The following HLA-B variants were observed in gnomAD, a reference collection of about 807,000 sequenced individuals.
The protein encoded by HLA-B is major histocompatibility complex, class I, B, also known as HLA class I antigen HLA-B.
A neutral mutation model predicts 41.5 loss-of-function variants in HLA-B; 31 were observed. The observed-to-expected ratio is 0.75, with a 90% CI of 0.56 to 1.01. The LOEUF (loss-of-function observed/expected upper bound fraction) is 1.01, where lower values mean the gene tolerates loss of function less well. Ranked by LOEUF, HLA-B falls within the 50% of genes least tolerant of loss-of-function variation. HLA-B has a pLI of 0.00. For missense variants in HLA-B, 369 were observed against 457.2 expected (o/e 0.81, Z 1.76); for synonymous variants, 138 against 189.0 (o/e 0.73, Z 2.21).
At chr6:31,356,543 G>A in intron 2 of HLA-B, 101 bp from the exon 3 acceptor site, 1 of 1,106,390 alleles carries the variant, frequency 9.0e-7, no homozygotes, top group Non-Finnish European at 1.2e-6. Flanking sequence ...CCGGGTAAAC[G>A]CGCCTGGGGC....
In HLA-B at chr6:31,355,168, G is replaced by T; in HGVS notation, c.951C>A (p.Val317=). The T allele has an allele frequency of 1.6e-6, 2 of 1,240,422 alleles. No homozygotes were observed. The highest frequency in any genetic ancestry group is 1.9e-5 in the South Asian group (1 of 51,538). The allele number at this position is 1,240,422 out of a possible 1,614,324, so 76.8% of individuals were successfully genotyped here. The change falls in exon 5 of 8, where the codon GTC becomes GTA. Residue 317 remains valine, a synonymous_variant. Coordinates refer to ENST00000412585, the MANE Select transcript of HLA-B (RefSeq NM_005514.8). ...PIVGIVAGLA[V]LAVVVIGAVV... ...CAGCTCCGATGACCACAACTGCTAGGACAGCCAGGCCAGCAACAATGCCCA... is the reference window on the plus strand; with the variant it reads ...CAGCTCCGATGACCACAACTGCTAGTACAGCCAGGCCAGCAACAATGCCCA...
At chr6:31,354,985 G>T (rs13214791) in intron 5 of HLA-B, 122 bp downstream of exon 5, 16,201 of 345,518 alleles carry the variant, frequency 0.047, 3,288 homozygotes, top group East Asian at 0.11. Context: ...AGGGTCCCAG[G>T]CTGCGTTAGC....
At position 31,353,959 on chromosome 6, in the gene HLA-B, A is replaced by G; in HGVS notation, c.*342T>C. On this transcript the variant is annotated 3_prime_UTR_variant, in exon 8 of 8. Coordinates refer to ENST00000412585, the MANE Select transcript of HLA-B (RefSeq NM_005514.8). ...AATCCATCAACCTCTCATAGCAAATATTTGAGAAAACAAATTTATATTCAG... is the reference window on the plus strand; with the variant it reads ...AATCCATCAACCTCTCATAGCAAATGTTTGAGAAAACAAATTTATATTCAG... 2.8e-6 allele frequency: 1 copy of G among 354,070 alleles called. No individual in the cohort carries two copies. The highest frequency in any genetic ancestry group is 2.1e-5 in the African/African-American group (1 of 48,492). The allele number at this position is 354,070 out of a possible 1,614,324, so 21.9% of individuals were successfully genotyped here.
intron 7 of HLA-B, 56 bp from the exon 8 acceptor site, chr6:31,354,352 C>G (rs17192932): frequency 0.061 from 28,750 of 474,874 alleles, 1,578 homozygotes; most frequent in South Asian, 0.12. Context: ...AGCGATGACA[C>G]TCTAAACAGC....
chr6:31,356,403 C>G lies in HLA-B; in HGVS notation c.383G>C (p.Gly128Ala), dbSNP rs75328069. 4 of 975,252 alleles carry G rather than the reference C, an allele frequency of 4.1e-6. No homozygotes were observed. Among genetic ancestry groups the G allele is most frequent in the Non-Finnish European group, 5.4e-6 (4 of 746,698 alleles). 60.4% of individuals were successfully genotyped at this position (975,252 alleles called of 1,614,324 possible). ...TLQSMYGCDV[G>A]PDGRLLRGHD... is the part of the protein sequence containing the mutation. ...CCCGCGGAGGAGGCGCCCGTCCGGC[C>G]CCACGTCGCAGCCGTACATGCTCTG... Residue 128 changes from glycine to alanine, a missense_variant, in exon 3 of 8, where the codon GGG becomes GCG. This residue lies in a region of HLA-B where 113 missense variants were observed against 173.2 expected (regional missense o/e 0.65). Coordinates refer to ENST00000412585, the MANE Select transcript of HLA-B (RefSeq NM_005514.8).
chr6:31,355,172 G>A lies in HLA-B; in HGVS notation c.947C>T (p.Ala316Val). 2 of 1,238,682 alleles carry A rather than the reference G, an allele frequency of 1.6e-6. No homozygotes were observed. Among genetic ancestry groups the A allele is most frequent in the Non-Finnish European group, 2.0e-6 (2 of 979,530 alleles). The allele number at this position is 1,238,682 out of a possible 1,614,324, so 76.7% of individuals were successfully genotyped here. A position where few individuals can be genotyped will look rare whatever the true frequency, so the allele number is the denominator to read the frequency against. The change falls in exon 5 of 8, where the codon GCT (alanine) becomes GTT (valine). Residue 316 changes from alanine (A) to valine (V), a missense_variant. Ala to Val is a moderately conservative substitution (Grantham distance 64, BLOSUM62 0). Coordinates refer to ENST00000412585, the MANE Select transcript of HLA-B (RefSeq NM_005514.8). ...TCCGATGACCACAACTGCTAGGACAGCCAGGCCAGCAACAATGCCCACGAT... is the reference window on the plus strand; with the variant it reads ...TCCGATGACCACAACTGCTAGGACAACCAGGCCAGCAACAATGCCCACGAT... ...VPIVGIVAGL[A>V]VLAVVVIGAV...
At position 31,354,523 on chromosome 6, in the gene HLA-B, C is replaced by T. The variant is rs139817031; in HGVS notation, c.1049G>A (p.Ser350Asn). The change falls in exon 7 of 8, where the codon AGC becomes AAC. Residue 350 changes from serine (S) to asparagine (N), a missense_variant. By Grantham distance (46) the Ser-to-Asn change is conservative (BLOSUM62 1). Around this residue, in one of 6 missense-constraint regions of HLA-B, gnomAD observed 115 missense variants for 78.7 expected, o/e 1.46. Transcript: ENST00000412585. ...KGGSYSQAAC[S>N]DSAQGSDVSL... ...CACATCAGAGCCCTGGGCACTGTCG[C>T]TGCCTGGAGTAGAACAAAAACAGGA... 3.3e-5 allele frequency: 44 copies of T among 1,329,586 alleles called. 6 individuals are homozygous for T. The highest frequency in any genetic ancestry group is 4.3e-5 in the Non-Finnish European group (44 of 1,015,216). The allele number at this position is 1,329,586 out of a possible 1,614,324, so 82.4% of individuals were successfully genotyped here.
In HLA-B at chr6:31,354,241, A is replaced by G; in HGVS notation, c.*60T>C. ...ATGCCAGAGGCTCTTGAAGTCACAA[A>G]GGGGAGGCGTGAAGAAATCCTGCAT... On this transcript the variant is annotated 3_prime_UTR_variant, in exon 8 of 8. Transcript: ENST00000412585. 1 of 649,014 alleles carries G rather than the reference A, an allele frequency of 1.5e-6. No individual in the cohort carries two copies. The highest frequency in any genetic ancestry group is 3.2e-5 in the East Asian group (1 of 31,316). The allele number at this position is 649,014 out of a possible 1,614,324, so 40.2% of individuals were successfully genotyped here.
rs1131159 is a variant in HLA-B, at chr6:31,357,115, G to A, written c.44C>T (p.Ala15Val). Reference sequence around the variant, plus strand: ...CCAGGTCTCGGTCAGGGCCAGGGCCGCCGAGAGCAGCAGGAGGACGGTTCG... The same window carrying A: ...CCAGGTCTCGGTCAGGGCCAGGGCCACCGAGAGCAGCAGGAGGACGGTTCG... ...APRTVLLLLS[A>V]ALALTETWAG... The change falls in exon 1 of 8, where the codon GCG (alanine) becomes GTG (valine). Residue 15 changes from alanine (A) to valine (V), a missense_variant. By Grantham distance (64) the Ala-to-Val change is moderately conservative. Transcript: ENST00000412585. The A allele has an allele frequency of 2.4e-6, 2 of 847,278 alleles. No homozygotes were observed. The highest frequency in any genetic ancestry group is 2.9e-5 in the South Asian group (1 of 34,666). The allele number at this position is 847,278 out of a possible 1,614,324, so 52.5% of individuals were successfully genotyped here.
In HLA-B at chr6:31,354,277, C is replaced by A; in HGVS notation, c.*24G>T. Reference sequence around the variant, plus strand: ...GAAGAAATCCTGCATCTCAGTCCCTCACAAGACAGCTGTCTCAGGCTACAG... The same window carrying A: ...GAAGAAATCCTGCATCTCAGTCCCTAACAAGACAGCTGTCTCAGGCTACAG... On this transcript the variant is annotated 3_prime_UTR_variant, in exon 8 of 8. Coordinates refer to ENST00000412585, the MANE Select transcript of HLA-B (RefSeq NM_005514.8). 1.6e-6 allele frequency: 1 copy of A among 633,324 alleles called. No individual in the cohort carries two copies. Among genetic ancestry groups the A allele is most frequent in the Non-Finnish European group, 3.0e-6 (1 of 337,118 alleles). The allele number at this position is 633,324 out of a possible 1,614,324, so 39.2% of individuals were successfully genotyped here.
At position 31,354,246 on chromosome 6, in the gene HLA-B, A is replaced by G; in HGVS notation, c.*55T>C. 2 of 643,412 alleles carry G rather than the reference A, an allele frequency of 3.1e-6. No individual in the cohort carries two copies. Among genetic ancestry groups the G allele is most frequent in the Admixed American group, 2.0e-5 (1 of 48,936 alleles). 39.9% of individuals were successfully genotyped at this position (643,412 alleles called of 1,614,324 possible). ...AGAGGCTCTTGAAGTCACAAAGGGG[A>G]GGCGTGAAGAAATCCTGCATCTCAG... On this transcript the variant is annotated 3_prime_UTR_variant, in exon 8 of 8. Transcript: ENST00000412585.
rs779634815 is a variant in HLA-B at position 31,356,269 on chromosome 6, C to T, written c.517G>A (p.Ala173Thr). 302 of 1,356,866 alleles carry T rather than the reference C, an allele frequency of 2.2e-4. No homozygotes were observed. In the African/African-American group the frequency reaches 6.2e-3, roughly 28 times the overall value. The allele number at this position is 1,356,866 out of a possible 1,614,324, so 84.1% of individuals were successfully genotyped here. A position where few individuals can be genotyped will look rare whatever the true frequency, so the allele number is the denominator to read the frequency against. ...CTCCGCTGCTCCGCCTCACGGGCCG[C>T]CTCCCACTTGCGCTGGGTGATCTGA... is the stretch of plus-strand genomic sequence containing the variant. ...AAQITQRKWEAAREAEQRRAY... is the reference protein window; with the variant it reads ...AAQITQRKWETAREAEQRRAY... Residue 173 changes from alanine to threonine, a missense_variant, in exon 3 of 8, where the codon GCG (alanine) becomes ACG (threonine). Coordinates refer to ENST00000412585, the MANE Select transcript of HLA-B (RefSeq NM_005514.8).
rs1131446 is a variant in HLA-B, at chr6:31,355,339, C to T, written c.873G>A (p.Pro291=). The change falls in exon 4 of 8, where the codon CCG becomes CCA. Residue 291 remains proline, a synonymous_variant. Transcript: ENST00000412585. ...YTCHVQHEGL[P]KPLTLRWEPS... ...TACCCCATCTCAGGGTGAGGGGCTTCGGCAGCCCCTCATGCTGTACATGGC... is the reference window on the plus strand; with the variant it reads ...TACCCCATCTCAGGGTGAGGGGCTTTGGCAGCCCCTCATGCTGTACATGGC... The T allele has an allele frequency of 0.036, 56,421 of 1,574,420 alleles. 1,298 individuals are homozygous for T. The highest frequency in any genetic ancestry group is 0.048 in the South Asian group (4,278 of 89,112).
At chr6:31,354,438 A>G in intron 7 of HLA-B, 41 bp downstream of exon 7, 1 of 140,184 alleles carries the variant, frequency 7.1e-6, no homozygotes, top group East Asian at 1.9e-4. Flanking sequence ...ACCCACCCCC[A>G]GACCCGCCAC....
At position 31,356,106 on chromosome 6, in the gene HLA-B, G is replaced by A. The variant is rs768398125; in HGVS notation, c.619+61C>T. The A allele has an allele frequency of 3.1e-6, 4 of 1,282,542 alleles. No individual in the cohort carries two copies. The East Asian group carries it at 1.0e-4, about 33-fold the overall frequency. 79.4% of individuals were successfully genotyped at this position (1,282,542 alleles called of 1,614,324 possible). A position where few individuals can be genotyped will look rare whatever the true frequency, so the allele number is the denominator to read the frequency against. ...CTGATCCCATTTTCCTCCTCTTCTCGTGGGAGGCCATCCCCGGCGACCTAT... is the reference window on the plus strand; with the variant it reads ...CTGATCCCATTTTCCTCCTCTTCTCATGGGAGGCCATCCCCGGCGACCTAT... On this transcript the variant is annotated intron_variant, in intron 3 of 7. Transcript: ENST00000412585.
rs2276448 is a variant in HLA-B at position 31,355,243 on chromosome 6, T to C, written c.896-20A>G. On this transcript the variant is annotated intron_variant, in intron 4 of 7. Coordinates refer to ENST00000412585, the MANE Select transcript of HLA-B (RefSeq NM_005514.8). Reference sequence around the variant, plus strand: ...ACGGCTCTGGGAAAGGAGGGGAAGATGAGGGGCCCTGACCCTGCTGAAGGG... The same window carrying C: ...ACGGCTCTGGGAAAGGAGGGGAAGACGAGGGGCCCTGACCCTGCTGAAGGG... 0.01 allele frequency: 9,575 copies of C among 933,660 alleles called. 607 individuals carry two copies. Among genetic ancestry groups the C allele is most frequent in the South Asian group, 0.063 (2,233 of 35,210 alleles). The allele number at this position is 933,660 out of a possible 1,614,324, so 57.8% of individuals were successfully genotyped here. A position where few individuals can be genotyped will look rare whatever the true frequency, so the allele number is the denominator to read the frequency against.
intron 5 of HLA-B, 90 bp from the exon 6 acceptor site, chr6:31,354,755 A>G (rs1322634036): frequency 2.9e-5 from 20 of 693,370 alleles, no homozygotes; most frequent in South Asian, 9.6e-5. Context: ...CCCAAAAGGA[A>G]TTTCCAGAAG....
chr6:31,356,087 C>A, intron 3 of HLA-B, 80 bp downstream of exon 3: 2 of 1,160,380 alleles, frequency 1.7e-6, no homozygotes, highest in Non-Finnish European at 2.3e-6. Context: ...AGCGCTGATC[C>A]CATTTTCCTC....
intron 6 of HLA-B, 42 bp downstream of exon 6, chr6:31,354,591 G>A: frequency 1.4e-6 from 2 of 1,471,518 alleles, no homozygotes; most frequent in Non-Finnish European, 9.0e-7. Flanking sequence ...GAGGAATTAT[G>A]GGGTGGGTGA....
Sources: allele counts gnomAD v4.1 joint callset, GRCh38; gene constraint gnomAD v4.1.1; regional missense constraint gnomAD v4.1.1; transcripts MANE v1.5; gene names NCBI Gene and HGNC (gene_info 2026-07-23, HGNC 2026-07-21).